The following ANK3 variants were observed in gnomAD, a reference collection of about 807,000 sequenced individuals.
The protein encoded by ANK3 is ankyrin 3.
ANK3 carries 57 observed loss-of-function variants against 370.9 expected under a neutral mutation model. The observed-to-expected ratio is 0.15, with a 90% CI of 0.12 to 0.19. ANK3 has a LOEUF of 0.19. ANK3 is among the 10% of genes least tolerant of loss of function. ANK3 has a pLI of 1.00. For missense variants in ANK3, 4,439 were observed against 5,302.1 expected (o/e 0.84, Z 5.06); for synonymous variants, 1,929 against 1,946.3 (o/e 0.99, Z 0.23).
At chr10:60,298,656 G>A (rs1380322456) in intron 1 of ANK3, among the ~76,000 whole-genome samples, 1 of 152,130 alleles carries the variant, frequency 6.6e-6, no homozygotes. Flanking sequence ...AGAAAACACT[G>A]CACATATGGG....
rs1299188596 is a variant in ANK3 at position 60,066,118 on chromosome 10, GTTAA to G, written c.12319+1813_12319+1816del. ...GCATACAGTAATTCTAGTTAGAGAAGTTAATTATTTTAAGTTCTTCATCTCTGTG... is the reference window on the plus strand; with the variant it reads ...GCATACAGTAATTCTAGTTAGAGAAGTTATTTTAAGTTCTTCATCTCTGTG... On this transcript the variant is annotated intron_variant, in intron 38 of 43. Coordinates refer to ENST00000280772, the MANE Select transcript of ANK3 (RefSeq NM_020987.5). Among the ~76,000 whole-genome samples the G allele has an allele frequency of 6.6e-5, 10 of 152,240 alleles. No homozygotes were observed. The East Asian group carries it at 1.4e-3, about 21-fold the overall frequency.
chr10:60,380,465 A>G (rs1190939952), intron 1 of ANK3, among the ~76,000 whole-genome samples: 1 of 152,154 alleles, frequency 6.6e-6, no homozygotes, highest in Non-Finnish European at 1.5e-5. Flanking sequence ...ACAGCTTTAC[A>G]CTTACTAACT....
Position 60,071,233 on chromosome 10 carries a change from G to A in ANK3, c.9648C>T (p.Thr3216=). The change falls in exon 37 of 44, where the codon ACC becomes ACT. Residue 3216 remains threonine, a synonymous_variant. Coordinates refer to ENST00000280772, the MANE Select transcript of ANK3 (RefSeq NM_020987.5). ...ESEEEEQAKS[T]SLKQTTVEET... is the part of the protein sequence containing the mutation. ...CCTCCACTGTAGTCTGCTTAAGGGA[G>A]GTTGACTTGGCCTGTTCCTCCTCCT... The A allele has an allele frequency of 6.2e-7, 1 of 1,614,090 alleles. No individual in the cohort carries two copies. The highest frequency in any genetic ancestry group is 8.5e-7 in the Non-Finnish European group (1 of 1,180,002).
At chr10:60,290,971 G>A (rs183443114) in intron 1 of ANK3, among the ~76,000 whole-genome samples, 17 of 152,216 alleles carry the variant, frequency 1.1e-4, no homozygotes, top group Admixed American at 7.2e-4. Flanking sequence ...ACTATGATCT[G>A]GTTTACATCA....
chr10:60,394,235 A>G (rs2063169280), upstream of ANK3, among the ~76,000 whole-genome samples: 1 of 151,140 alleles, frequency 6.6e-6, no homozygotes. Context: ...CAAGCGCTAA[A>G]CTTGTCAATG....
chr10:60,034,693 G>T (rs2074514645), intron 43 of ANK3, among the ~76,000 whole-genome samples: 4 of 152,000 alleles, frequency 2.6e-5, no homozygotes, highest in African/African-American at 9.7e-5. Context: ...TCATCTTTAA[G>T]ACTTAGCTGT....
In ANK3 at chr10:60,074,624, A is replaced by G. The variant is rs1250909871; in HGVS notation, c.6257T>C (p.Met2086Thr). The G allele has an allele frequency of 6.2e-7, 1 of 1,614,150 alleles. No individual in the cohort carries two copies. The highest frequency in any genetic ancestry group is 8.5e-7 in the Non-Finnish European group (1 of 1,180,008). ...EHKLKMPPASMRTSTSEKELC... is the reference protein window; with the variant it reads ...EHKLKMPPASTRTSTSEKELC... ...TTCTTTCTCAGAGGTGGAAGTCCTC[A>G]TGGAGGCTGGAGGCATTTTGAGTTT... The change falls in exon 37 of 44, where the codon ATG becomes ACG. Residue 2086 changes from methionine to threonine, a missense_variant. Physicochemically the swap from Met to Thr is moderately conservative, Grantham distance 81. Transcript: ENST00000280772.
chr10:60,469,283 GTGTGTA>G (rs139033215), intron 2 of ANK3, among the ~76,000 whole-genome samples: 1 of 64 alleles, frequency 0.016, no homozygotes, highest in African/African-American at 0.083. Context: ...CATTTTTAGT[GTGTGTA>G]TATATATATA....
chr10:60,307,204 T>C (rs957096418), intron 1 of ANK3, among the ~76,000 whole-genome samples: 1 of 152,244 alleles, frequency 6.6e-6, no homozygotes, highest in Non-Finnish European at 1.5e-5. Flanking sequence ...ATGACAGAAT[T>C]AGCAGTTGTC....
chr10:60,553,868 T>C (rs2077147915), intron 2 of ANK3, among the ~76,000 whole-genome samples: 1 of 152,224 alleles, frequency 6.6e-6, no homozygotes, highest in African/African-American at 2.4e-5. Context: ...TAGCCCTTTA[T>C]AACACAGTTC....
chr10:60,171,084 T>C (rs2095777320), intron 21 of ANK3, among the ~76,000 whole-genome samples: 1 of 152,192 alleles, frequency 6.6e-6, no homozygotes, highest in African/African-American at 2.4e-5. Context: ...GTAATAAACA[T>C]TATTGGTTTG....
chr10:60,128,129 C>A (rs2093866730), intron 25 of ANK3, among the ~76,000 whole-genome samples: 1 of 152,124 alleles, frequency 6.6e-6, no homozygotes, highest in Non-Finnish European at 1.5e-5. Flanking sequence ...ATCTTTCATG[C>A]TAAAAAATAC....
chr10:60,354,263 T>C (rs998020389), intron 1 of ANK3, among the ~76,000 whole-genome samples: 1 of 151,972 alleles, frequency 6.6e-6, no homozygotes, highest in Non-Finnish European at 1.5e-5. Flanking sequence ...GTCTGAGTGC[T>C]TCCCAAGATG....
chr10:60,292,201 A>G (rs1192670471), intron 1 of ANK3, among the ~76,000 whole-genome samples: 6 of 152,206 alleles, frequency 3.9e-5, no homozygotes, highest in Non-Finnish European at 8.8e-5. Context: ...TAAATAAGTA[A>G]GCCTGGAAAA....
chr10:60,569,157 T>C (rs2077532213), intron 2 of ANK3, among the ~76,000 whole-genome samples: 1 of 152,200 alleles, frequency 6.6e-6, no homozygotes, highest in South Asian at 2.1e-4. Context: ...TAAGCACTTC[T>C]GCAGTATAAT....
chr10:60,255,389 T>G (rs1474456575), intron 7 of ANK3, among the ~76,000 whole-genome samples: 4 of 152,202 alleles, frequency 2.6e-5, no homozygotes, highest in African/African-American at 9.6e-5. Flanking sequence ...ATTAAGTTCA[T>G]GTTAAAGTCA....
chr10:60,223,619 AT>A (rs1409818771), intron 8 of ANK3, among the ~76,000 whole-genome samples: 3 of 152,102 alleles, frequency 2.0e-5, no homozygotes, highest in African/African-American at 4.8e-5. Context: ...GTGAAAAAAA[AT>A]ATTTTCTAGT....
chr10:60,296,662 T>A (rs906639157), intron 1 of ANK3, among the ~76,000 whole-genome samples: 1 of 152,114 alleles, frequency 6.6e-6, no homozygotes, highest in Non-Finnish European at 1.5e-5. Flanking sequence ...GGGGATCAAA[T>A]AATGAGCAAG....
At chr10:60,120,011 C>T (rs189025060) in intron 25 of ANK3, among the ~76,000 whole-genome samples, 2 of 151,930 alleles carry the variant, frequency 1.3e-5, no homozygotes, top group African/African-American at 2.4e-5. Flanking sequence ...CCAAAGCTAT[C>T]CTAAGTAAAA....
Sources: gnomAD v4.1 joint callset for allele counts (sites outside exome capture counted in the v4.1 genomes callset) on GRCh38, gnomAD v4.1.1 for gene constraint, MANE v1.5 for transcripts, NCBI Gene and HGNC (gene_info 2026-07-23, HGNC 2026-07-21) for gene names.